The following HPSE variants were observed in gnomAD, a reference collection of about 807,000 sequenced individuals.
The protein encoded by HPSE is heparanase.
A neutral mutation model predicts 65.1 loss-of-function variants in HPSE; 48 were observed. The observed-to-expected ratio is 0.74, with a 90% CI of 0.58 to 0.94. The LOEUF (loss-of-function observed/expected upper bound fraction) is 0.94. HPSE is among the 40% of genes least tolerant of loss of function. The pLI is 0.00. For synonymous variants in HPSE, 243 were observed against 260.0 expected (o/e 0.93, Z 0.63); for missense variants, 644 against 637.5 (o/e 1.01, Z -0.11).
At chr4:83,329,029 G>A (rs1236181548) in intron 1 of HPSE, among the ~76,000 whole-genome samples, 1 of 152,216 alleles carries the variant, frequency 6.6e-6, no homozygotes, top group East Asian at 1.9e-4. Context: ...CATGTGCTAA[G>A]AATGATAAGG....
At chr4:83,324,090 G>A (rs1402435198) in intron 1 of HPSE, among the ~76,000 whole-genome samples, 4 of 143,390 alleles carry the variant, frequency 2.8e-5, no homozygotes. Flanking sequence ...CTGGAGCACT[G>A]ATTGCCAATA....
intron 8 of HPSE, among the ~76,000 whole-genome samples, chr4:83,308,265 C>G (rs2126186851): frequency 6.6e-6 from 1 of 152,164 alleles, no homozygotes; most frequent in South Asian, 2.1e-4. Context: ...AAAATTAGCC[C>G]AGTGCGGTGA....
chr4:83,319,665 C>CA (rs1456012672), intron 2 of HPSE, among the ~76,000 whole-genome samples, 196 bp from the exon 3 acceptor site: 4 of 152,086 alleles, frequency 2.6e-5, no homozygotes, highest in Non-Finnish European at 5.9e-5. Context: ...ACAAAGAAAA[C>CA]AACCAAGGGC....
At chr4:83,323,504 A>AACACACAC (rs60575393) in intron 1 of HPSE, among the ~76,000 whole-genome samples, 24 of 149,964 alleles carry the variant, frequency 1.6e-4, no homozygotes, top group African/African-American at 5.6e-4. Context: ...GTCTATTTAA[A>AACACACAC]ACACACACAC....
chr4:83,313,036 A>AG lies in HPSE; in HGVS notation c.673+77_673+78insC, dbSNP rs1406215439. 515 of 1,026,200 alleles carry AG rather than the reference A, an allele frequency of 5.0e-4. 2 individuals are homozygous for AG. The African/African-American group carries it at 7.4e-3, about 15-fold the overall frequency. 63.6% of individuals were successfully genotyped at this position (1,026,200 alleles called of 1,614,324 possible). ...GACTCTGTCTCAAAAAAAAAAAAAA[A>AG]AAAAAGAAAAAGAAAAGAAAAGAAA... is the stretch of plus-strand genomic sequence containing the variant. On this transcript the variant is annotated intron_variant, in intron 4 of 11. Transcript: ENST00000311412.
intron 9 of HPSE, among the ~76,000 whole-genome samples, chr4:83,304,473 A>G (rs924384406): frequency 2.0e-5 from 3 of 152,140 alleles, no homozygotes; most frequent in African/African-American, 7.2e-5. Context: ...GTGGGTTCAT[A>G]TACTTTCCTC....
At chr4:83,299,173 G>A (rs1735840172) in intron 11 of HPSE, among the ~76,000 whole-genome samples, 1 of 151,872 alleles carries the variant, frequency 6.6e-6, no homozygotes, top group South Asian at 2.1e-4. Flanking sequence ...AGACCAGCCT[G>A]GCCCACATGG....
Position 83,322,280 on chromosome 4 carries a change from G to A in HPSE, c.312C>T (p.Phe104=), listed in dbSNP as rs781242807. ...CAAAGGTTGATTCCTTCTTGGGATC[G>A]AAAATTAGGAAGTCTGTCTTGGTGC... is the stretch of plus-strand genomic sequence containing the variant. ...FGGTKTDFLI[F]DPKKESTFEE... is the part of the protein sequence containing the mutation. The change falls in exon 2 of 12, where the codon TTC becomes TTT. Residue 104 remains phenylalanine (F), a synonymous_variant. Transcript: ENST00000311412. 55 of 1,613,648 alleles carry A rather than the reference G, an allele frequency of 3.4e-5. 1 individual carries two copies. The Middle Eastern group carries it at 1.6e-3, about 48-fold the overall frequency.
intron 8 of HPSE, among the ~76,000 whole-genome samples, chr4:83,308,220 C>G (rs1453130295): frequency 2.0e-5 from 3 of 151,844 alleles, no homozygotes; most frequent in Admixed American, 6.6e-5. Context: ...CCAGCCTGGG[C>G]AACATGTCAA....
intron 1 of HPSE, among the ~76,000 whole-genome samples, chr4:83,330,233 TCAAAAGGGCTACAGGGAAGAC>T: frequency 6.6e-6 from 1 of 152,146 alleles, no homozygotes. Flanking sequence ...CAGCCATTAC[TCAAAAGGGCTACAGGGAAGAC>T]AGTGTCATCA....
chr4:83,301,384 C>A (rs953264323), intron 10 of HPSE, among the ~76,000 whole-genome samples: 17 of 152,140 alleles, frequency 1.1e-4, no homozygotes, highest in Non-Finnish European at 1.8e-4. Context: ...CACAGCTCTG[C>A]CAGCTGGGTT....
chr4:83,318,446 A>T (rs775164444), intron 3 of HPSE, among the ~76,000 whole-genome samples: 21 of 152,156 alleles, frequency 1.4e-4, no homozygotes, highest in Non-Finnish European at 2.5e-4. Context: ...AGCCTGGCCA[A>T]CATGGTGAAA....
At position 83,300,672 on chromosome 4, in the gene HPSE, G is replaced by C. The variant is rs1489475396; in HGVS notation, c.1472+288C>G. Among the ~76,000 whole-genome samples, 2 of 38,178 alleles carry C rather than the reference G, an allele frequency of 5.2e-5. 1 individual carries two copies. Among genetic ancestry groups the C allele is most frequent in the African/African-American group, 1.1e-4 (2 of 18,540 alleles). 25.0% of individuals were successfully genotyped at this position (38,178 alleles called of 152,430 possible). On this transcript the variant is annotated intron_variant, in intron 11 of 11. Coordinates refer to ENST00000311412, the MANE Select transcript of HPSE (RefSeq NM_001098540.3). Reference sequence around the variant, plus strand: ...CTACTAAAAATACAAAAAATTAGCCGGGCGTAGTGGCGGGCGCCTGTAGTC... The same window carrying C: ...CTACTAAAAATACAAAAAATTAGCCCGGCGTAGTGGCGGGCGCCTGTAGTC...
Position 83,296,803 on chromosome 4 carries a change from T to A in HPSE, c.1473-1300A>T, listed in dbSNP as rs183934567. ...ACAGTGTCTTTTATATAGTAAACAC[T>A]ATAAAAGTATTATCTATCATCATTA... On this transcript the variant is annotated intron_variant, in intron 11 of 11. Coordinates refer to ENST00000311412, the MANE Select transcript of HPSE (RefSeq NM_001098540.3). Among the ~76,000 whole-genome samples the A allele has an allele frequency of 5.0e-4, 76 of 152,278 alleles. 3 individuals are homozygous for A. The highest frequency in any genetic ancestry group is 1.6e-4 in the Non-Finnish European group (11 of 68,028).
intron 11 of HPSE, among the ~76,000 whole-genome samples, chr4:83,297,778 T>G (rs1413369902): frequency 6.6e-6 from 1 of 152,176 alleles, no homozygotes; most frequent in Non-Finnish European, 1.5e-5. Flanking sequence ...ATCACCTCAA[T>G]TTTTAGATGG....
At chr4:83,312,841 C>CAAAAAAAAAAAAAAAA (rs1200808673) in intron 4 of HPSE, among the ~76,000 whole-genome samples, 1 of 10,990 alleles carries the variant, frequency 9.1e-5, no homozygotes, top group Admixed American at 1.5e-3. Context: ...ACTAAAAATG[C>CAAAAAAAAAAAAAAAA]AAAAAAAAAA....
At position 83,322,240 on chromosome 4, in the gene HPSE, A is replaced by T; in HGVS notation, c.352T>A (p.Trp118Arg). Residue 118 changes from tryptophan to arginine, a missense_variant, in exon 2 of 12, where the codon TGG becomes AGG. Physicochemically the swap from Trp to Arg is moderately radical, Grantham distance 101. Transcript: ENST00000311412. ...TCACCCTGGTTGACTTGAGATTGCC[A>T]GTAACTTCTCTCTTCAAAGGTTGAT... The part of the protein sequence containing the change: ...KESTFEERSY[W>R]QSQVNQDICK... 6.2e-7 allele frequency: 1 copy of T among 1,613,786 alleles called. No homozygotes were observed. Among genetic ancestry groups the T allele is most frequent in the Non-Finnish European group, 8.5e-7 (1 of 1,179,824 alleles).
intron 9 of HPSE, 139 bp from the exon 10 acceptor site, chr4:83,302,407 T>C: frequency 6.8e-6 from 1 of 146,562 alleles, no homozygotes; most frequent in Non-Finnish European, 1.4e-5. Flanking sequence ...AGGATTCATC[T>C]TTTTTTTTTT....
intron 6 of HPSE, 24 bp from the exon 7 acceptor site, chr4:83,309,519 G>A (rs1560507796): frequency 8.0e-7 from 1 of 1,250,086 alleles, no homozygotes; most frequent in Admixed American, 2.0e-5. Flanking sequence ...AAAATATTCA[G>A]AAAAAAAATA....
Sources: allele counts gnomAD v4.1 joint callset (sites outside exome capture counted in the v4.1 genomes callset), GRCh38; gene constraint gnomAD v4.1.1; transcripts MANE v1.5; gene names NCBI Gene and HGNC (gene_info 2026-07-23, HGNC 2026-07-21).